Variants in FRMPD2 observed in about 807,000 individuals in gnomAD.
FRMPD2 encodes FERM and PDZ domain containing 2, also known as FERM and PDZ domain-containing protein 2.
FRMPD2 carries 96 observed loss-of-function variants against 140.1 expected under a neutral mutation model. The ratio of observed to expected loss-of-function variants is 0.69; its 90% CI spans 0.58 to 0.81. FRMPD2 has a LOEUF of 0.81. Among genes scored for constraint, FRMPD2 ranks in the 40% least tolerant of loss-of-function variants. FRMPD2 has a pLI of 0.00. For missense variants in FRMPD2, 1,240 were observed against 1,447.4 expected (o/e 0.86, Z 2.32); for synonymous variants, 449 against 547.6 (o/e 0.82, Z 2.52).
chr10:48,187,091 C>T, intron 17 of FRMPD2, 101 bp downstream of exon 17: 1 of 715,282 alleles, frequency 1.4e-6, no homozygotes, highest in Non-Finnish European at 2.4e-6. Flanking sequence ...AGGTTACAAA[C>T]ATTGTGTGGG....
At chr10:48,186,173 G>A (rs1247983473) in intron 17 of FRMPD2, among the ~76,000 whole-genome samples, 1 of 152,224 alleles carries the variant, frequency 6.6e-6, no homozygotes, top group African/African-American at 2.4e-5. Context: ...GAGCCCTGAA[G>A]CTGTTCCTGG....
chr10:48,227,513 G>A (rs1019463203), intron 10 of FRMPD2, among the ~76,000 whole-genome samples: 1 of 152,204 alleles, frequency 6.6e-6, no homozygotes, highest in African/African-American at 2.4e-5. Context: ...TAACAAGTAA[G>A]GTCTTTGTTT....
rs148640858 is a variant in FRMPD2, at chr10:48,251,596, C to A, written c.121G>T (p.Ala41Ser). 3 of 1,614,102 alleles carry A rather than the reference C, an allele frequency of 1.9e-6. No individual in the cohort carries two copies. Among genetic ancestry groups the A allele is most frequent in the South Asian group, 1.1e-5 (1 of 91,094 alleles). The change falls in exon 2 of 29, where the codon GCT becomes TCT. Residue 41 changes from alanine to serine, a missense_variant. Around this residue, in one of 6 missense-constraint regions of FRMPD2, gnomAD observed 1,161 missense variants for 1,055.9 expected, o/e 1.10. Coordinates refer to ENST00000374201, the MANE Select transcript of FRMPD2 (RefSeq NM_001018071.4). ...EEIWSLLFLA[A>S]EQLLEDLRND... ...CGGAGGTCTTCCAGGAGCTGCTCAG[C>A]GGCCAGGAACAGGAGGGACCAGATT...
At chr10:48,269,389 T>C (rs187972698) in intron 1 of FRMPD2, among the ~76,000 whole-genome samples, 3 of 152,332 alleles carry the variant, frequency 2.0e-5, no homozygotes, top group Admixed American at 2.0e-4. Context: ...GGAAATAGGA[T>C]GCACAGAGGC....
At position 48,271,425 on chromosome 10, in the gene FRMPD2, T is replaced by C. The variant is rs185390886; in HGVS notation, c.25+3118A>G. Among the ~76,000 whole-genome samples the C allele has an allele frequency of 6.4e-4, 98 of 152,356 alleles. No individual in the cohort carries two copies. The East Asian group carries it at 0.017, about 26-fold the overall frequency. On this transcript the variant is annotated intron_variant, in intron 1 of 28. Transcript: ENST00000374201. ...CATTTACTCTCCAGCCAGACACTGT[T>C]TAACCCATCTTGAATCTATTGAAGA... is the stretch of plus-strand genomic sequence containing the variant.
intron 12 of FRMPD2, 21 bp downstream of exon 12, chr10:48,222,292 G>C: frequency 6.2e-7 from 1 of 1,609,016 alleles, no homozygotes. Flanking sequence ...CCACACAAAG[G>C]CCCCTGGTGT....
intron 1 of FRMPD2, among the ~76,000 whole-genome samples, chr10:48,257,718 G>A (rs1031112097): frequency 6.0e-4 from 92 of 152,122 alleles, no homozygotes; most frequent in Non-Finnish European, 1.5e-4. Context: ...CTGGGCACAG[G>A]GCACATACTT....
chr10:48,239,010 G>GTCTC lies in FRMPD2; in HGVS notation c.788+591_788+594dup, dbSNP rs372321032. ...CTCTCCTCTTTCTCTCTGTCTCTCTGTCTCTCTCTCTCTCTCTCAGTTCCT... is the reference window on the plus strand; with the variant it reads ...CTCTCCTCTTTCTCTCTGTCTCTCTGTCTCTCTCTCTCTCTCTCTCTCAGTTCCT... On this transcript the variant is annotated intron_variant, in intron 7 of 28. Coordinates refer to ENST00000374201, the MANE Select transcript of FRMPD2 (RefSeq NM_001018071.4). Among the ~76,000 whole-genome samples, 1,233 of 150,262 alleles carry GTCTC rather than the reference G, an allele frequency of 8.2e-3. 20 individuals are homozygous for GTCTC. Among genetic ancestry groups the GTCTC allele is most frequent in the African/African-American group, 0.028 (1,168 of 41,076 alleles).
chr10:48,194,487 G>A (rs757717943), intron 15 of FRMPD2, among the ~76,000 whole-genome samples: 23 of 152,166 alleles, frequency 1.5e-4, no homozygotes, highest in Admixed American at 2.6e-4. Flanking sequence ...ACCCACAGGC[G>A]GATATTCTAG....
At chr10:48,200,368 C>G (rs7920883) in intron 15 of FRMPD2, among the ~76,000 whole-genome samples, 14,542 of 151,934 alleles carry the variant, frequency 0.096, 2,188 homozygotes, top group African/African-American at 0.33. Context: ...CTAGTCAGAA[C>G]TGCACCGCAT....
intron 15 of FRMPD2, among the ~76,000 whole-genome samples, chr10:48,197,951 C>T (rs1838991557): frequency 6.6e-6 from 1 of 152,132 alleles, no homozygotes; most frequent in Admixed American, 6.5e-5. Context: ...CCTGGGGCTG[C>T]TTGACCAGGG....
At chr10:48,240,258 T>G in intron 6 of FRMPD2, 102 bp downstream of exon 6, 4 of 1,331,590 alleles carry the variant, frequency 3.0e-6, no homozygotes, top group Non-Finnish European at 4.1e-6. Flanking sequence ...TTACATAGGC[T>G]TTCTCTGCCA....
intron 6 of FRMPD2, among the ~76,000 whole-genome samples, chr10:48,239,999 T>C (rs1840065918): frequency 6.6e-6 from 1 of 152,182 alleles, no homozygotes; most frequent in South Asian, 2.1e-4. Context: ...GAACAGTAGA[T>C]TTGAAGATTA....
intron 12 of FRMPD2, among the ~76,000 whole-genome samples, chr10:48,215,743 G>T (rs1839431344): frequency 6.6e-6 from 1 of 152,180 alleles, no homozygotes; most frequent in East Asian, 1.9e-4. Flanking sequence ...GAAGGAGAAT[G>T]AGATGACACT....
At chr10:48,257,368 C>T (rs1022252240) in intron 1 of FRMPD2, among the ~76,000 whole-genome samples, 7 of 151,994 alleles carry the variant, frequency 4.6e-5, no homozygotes, top group African/African-American at 1.7e-4. Flanking sequence ...CAACCTCCAC[C>T]TCCCAGGTTC....
chr10:48,170,388 T>C (rs1408933765), intron 26 of FRMPD2, among the ~76,000 whole-genome samples: 1 of 152,156 alleles, frequency 6.6e-6, no homozygotes, highest in Non-Finnish European at 1.5e-5. Context: ...GAATAACTGC[T>C]CTTTCCCTTC....
rs1220587894 is a variant in FRMPD2 at position 48,248,896 on chromosome 10, C to A, written c.309+125G>T. 9.5e-6 allele frequency: 7 copies of A among 733,670 alleles called. 1 individual carries two copies. Among genetic ancestry groups the A allele is most frequent in the Non-Finnish European group, 1.3e-5 (6 of 471,246 alleles). The allele number at this position is 733,670 out of a possible 1,614,324, so 45.4% of individuals were successfully genotyped here. On this transcript the variant is annotated intron_variant, in intron 3 of 28. Coordinates refer to ENST00000374201, the MANE Select transcript of FRMPD2 (RefSeq NM_001018071.4). ...TCCTGGGAATAAAACTCTTGAAACC[C>A]ACTCTGGCTTGGTGTTGAGAACCAA...
intron 14 of FRMPD2, among the ~76,000 whole-genome samples, chr10:48,204,352 G>A (rs1185282667): frequency 6.6e-6 from 1 of 152,126 alleles, no homozygotes; most frequent in East Asian, 1.9e-4. Context: ...TGCATTTGCA[G>A]CAAATAACTC....
chr10:48,174,177 A>C (rs1161263621), intron 24 of FRMPD2, among the ~76,000 whole-genome samples: 1 of 152,064 alleles, frequency 6.6e-6, no homozygotes, highest in African/African-American at 2.4e-5. Context: ...GCCTTCAGGA[A>C]TCCCTCCTGT....
Sources: gnomAD v4.1 joint callset for allele counts (sites outside exome capture counted in the v4.1 genomes callset) on GRCh38, gnomAD v4.1.1 for gene constraint, gnomAD v4.1.1 regional missense constraint, MANE v1.5 for transcripts, NCBI Gene and HGNC (gene_info 2026-07-23, HGNC 2026-07-21) for gene names.